The following KCNJ3 variants were observed in gnomAD, a reference collection of about 807,000 sequenced individuals.
The protein encoded by KCNJ3 is potassium inwardly rectifying channel subfamily J member 3.
A neutral mutation model predicts 39.2 loss-of-function variants in KCNJ3; 4 were observed. The ratio of observed to expected loss-of-function variants is 0.10; its 90% confidence interval spans 0.05 to 0.23. The LOEUF is 0.23. Among genes scored for constraint, KCNJ3 ranks in the 10% least tolerant of loss-of-function variants. KCNJ3 has a pLI of 1.00. For missense variants in KCNJ3, 276 were observed against 634.9 expected (o/e 0.43, Z 6.08); for synonymous variants, 230 against 237.4 (o/e 0.97, Z 0.29).
intron 2 of KCNJ3, among the ~76,000 whole-genome samples, chr2:154,731,579 CT>C (rs767170538): frequency 4.5e-4 from 68 of 151,722 alleles, no homozygotes; most frequent in Admixed American, 2.7e-3. Flanking sequence ...CTTTGGGTAT[CT>C]TTTAAATATA....
At chr2:154,764,111 C>T (rs1225713097) in intron 2 of KCNJ3, among the ~76,000 whole-genome samples, 2 of 152,158 alleles carry the variant, frequency 1.3e-5, no homozygotes, top group Non-Finnish European at 2.9e-5. Flanking sequence ...TAGTTGTCAG[C>T]TTACTACATG....
chr2:154,837,944 A>G (rs917300048), intron 2 of KCNJ3, among the ~76,000 whole-genome samples: 1 of 152,188 alleles, frequency 6.6e-6, no homozygotes, highest in Non-Finnish European at 1.5e-5. Context: ...GCACCTTGTA[A>G]TTTAGCATCT....
chr2:154,816,293 T>C (rs779348864), intron 2 of KCNJ3, among the ~76,000 whole-genome samples: 10 of 152,166 alleles, frequency 6.6e-5, no homozygotes, highest in Non-Finnish European at 1.0e-4. Context: ...ATCAAAGTCT[T>C]AAAAAAGTTG....
chr2:154,796,235 G>C (rs1686718511), intron 2 of KCNJ3, among the ~76,000 whole-genome samples: 1 of 152,080 alleles, frequency 6.6e-6, no homozygotes, highest in South Asian at 2.1e-4. Flanking sequence ...TTCATTCTAG[G>C]AATGGCACTG....
intron 2 of KCNJ3, among the ~76,000 whole-genome samples, chr2:154,837,503 G>C (rs1687490297): frequency 6.6e-6 from 1 of 152,098 alleles, no homozygotes; most frequent in Non-Finnish European, 1.5e-5. Flanking sequence ...ACCCTCTGGA[G>C]TGGTGGTGAA....
At chr2:154,761,069 T>A (rs953924862) in intron 2 of KCNJ3, among the ~76,000 whole-genome samples, 31 of 150,120 alleles carry the variant, frequency 2.1e-4, no homozygotes, top group African/African-American at 6.6e-4. Context: ...TTTCTTTTTT[T>A]TTTTTTTTTG....
At chr2:154,835,979 G>A (rs1344958168) in intron 2 of KCNJ3, among the ~76,000 whole-genome samples, 2 of 152,116 alleles carry the variant, frequency 1.3e-5, no homozygotes, top group East Asian at 1.9e-4. Context: ...GGGAGGCCGA[G>A]GCAGGTTGGT....
At chr2:154,701,839 T>G (rs929038577) in intron 1 of KCNJ3, among the ~76,000 whole-genome samples, 2 of 152,054 alleles carry the variant, frequency 1.3e-5, no homozygotes, top group Non-Finnish European at 2.9e-5. Flanking sequence ...AGAGAGTTGA[T>G]CTGTGAGTAG....
chr2:154,723,008 TG>T (rs1685291130), intron 2 of KCNJ3, among the ~76,000 whole-genome samples: 1 of 152,138 alleles, frequency 6.6e-6, no homozygotes, highest in Non-Finnish European at 1.5e-5. Context: ...AGGCTGAGCA[TG>T]GTGGCTCGTG....
At chr2:154,827,297 A>T (rs1327052062) in intron 2 of KCNJ3, among the ~76,000 whole-genome samples, 1 of 152,106 alleles carries the variant, frequency 6.6e-6, no homozygotes, top group African/African-American at 2.4e-5. Context: ...TGGCTTCACT[A>T]ATCTTTGGGG....
At chr2:154,732,951 A>G (rs1442733413) in intron 2 of KCNJ3, among the ~76,000 whole-genome samples, 1 of 152,142 alleles carries the variant, frequency 6.6e-6, no homozygotes, top group Admixed American at 6.6e-5. Flanking sequence ...ATTTCTAGGA[A>G]ACAGAAGCCA....
chr2:154,815,373 A>G (rs567904104), intron 2 of KCNJ3, among the ~76,000 whole-genome samples: 2 of 152,240 alleles, frequency 1.3e-5, no homozygotes, highest in Non-Finnish European at 2.9e-5. Context: ...AATTGGTAAT[A>G]GCAAGCAGGA....
chr2:154,848,484 A>G (rs1185150961), intron 2 of KCNJ3, among the ~76,000 whole-genome samples: 1 of 152,146 alleles, frequency 6.6e-6, no homozygotes, highest in Non-Finnish European at 1.5e-5. Flanking sequence ...ACATTAGCAA[A>G]TATTTCTTTT....
At chr2:154,758,319 A>T (rs1419531219) in intron 2 of KCNJ3, among the ~76,000 whole-genome samples, 1 of 152,198 alleles carries the variant, frequency 6.6e-6, no homozygotes, top group Non-Finnish European at 1.5e-5. Flanking sequence ...AAAGACAAAC[A>T]TACAACATAG....
chr2:154,753,471 T>C (rs1348641198), intron 2 of KCNJ3, among the ~76,000 whole-genome samples: 2 of 152,198 alleles, frequency 1.3e-5, no homozygotes, highest in Non-Finnish European at 2.9e-5. Context: ...TTCCAGATTT[T>C]AGCACTGAAG....
chr2:154,777,981 C>T (rs114086237), intron 2 of KCNJ3, among the ~76,000 whole-genome samples: 3,971 of 152,138 alleles, frequency 0.026, 161 homozygotes, highest in African/African-American at 0.091. Context: ...CCTGCTATGC[C>T]AGAGTAGTGG....
chr2:154,700,021 A>G (rs572001514), intron 1 of KCNJ3, among the ~76,000 whole-genome samples: 4 of 152,164 alleles, frequency 2.6e-5, no homozygotes, highest in South Asian at 4.1e-4. Flanking sequence ...CTTTAACTCT[A>G]TGGTCATCTT....
intron 1 of KCNJ3, chr2:154,709,333 T>G: frequency 8.6e-6 from 4 of 466,306 alleles, no homozygotes; most frequent in East Asian, 4.0e-5. Context: ...CTAACAACCA[T>G]TGTTGGACCA....
At chr2:154,819,669 T>C (rs1687137811) in intron 2 of KCNJ3, among the ~76,000 whole-genome samples, 1 of 151,964 alleles carries the variant, frequency 6.6e-6, no homozygotes, top group Non-Finnish European at 1.5e-5. Flanking sequence ...TAGCTGGGAC[T>C]ACAGGTGTGC....
Sources: allele counts gnomAD v4.1 joint callset (sites outside exome capture counted in the v4.1 genomes callset), GRCh38; gene constraint gnomAD v4.1.1; transcripts MANE v1.5; gene names NCBI Gene and HGNC (gene_info 2026-07-23, HGNC 2026-07-21).